Variants in CASTOR2 observed in about 807,000 individuals in gnomAD.
CASTOR2 encodes the protein cytosolic arginine sensor for mTORC1 subunit 2, also known as GATS protein like 2.
A neutral mutation model predicts 31.2 loss-of-function variants in CASTOR2; 8 were observed. The observed-to-expected ratio is 0.26, with a 90% CI of 0.15 to 0.46. The LOEUF (loss-of-function observed/expected upper bound fraction) is 0.46, where lower values mean the gene tolerates loss of function less well. CASTOR2 is among the 20% of genes least tolerant of loss of function. CASTOR2 has a pLI of 0.99. For synonymous variants in CASTOR2, 162 were observed against 158.7 expected, an observed-to-expected ratio of 1.02 and a Z score of -0.16; for missense variants, 216 against 382.1, an observed-to-expected ratio of 0.57 and a Z score of 3.62.
chr7:75,018,988 C>T lies in CASTOR2; in HGVS notation c.528C>T (p.Ile176=). The change falls in exon 5 of 9, where the codon ATC becomes ATT. Residue 176 remains isoleucine (I), a synonymous_variant. Coordinates refer to ENST00000616305, the MANE Select transcript of CASTOR2 (RefSeq NM_001145064.3). ...CTCTTACAGTCCAGAGGCCAGTCAT[C>T]CACCCACTGTCCAGCCCGAGCAACA... is the stretch of plus-strand genomic sequence containing the variant. ...VKPKLVQRPV[I]HPLSSPSNRF... The T allele has an allele frequency of 6.4e-7, 1 of 1,552,024 alleles. No homozygotes were observed. Among genetic ancestry groups the T allele is most frequent in the South Asian group, 1.2e-5 (1 of 84,060 alleles).
Position 75,024,389 on chromosome 7 carries a change from G to T in CASTOR2, c.830-51G>T, listed in dbSNP as rs993874753. On this transcript the variant is annotated intron_variant, in intron 7 of 8. Transcript: ENST00000616305. ...GGGTAGAGGCTGAAGAGCCACACAG[G>T]CAAGGGTAGCCAGGTTACACAGAGG... is the stretch of plus-strand genomic sequence containing the variant. 18 of 1,540,892 alleles carry T rather than the reference G, an allele frequency of 1.2e-5. No individual in the cohort carries two copies. In the African/African-American group the frequency reaches 2.3e-4, roughly 20 times the overall value.
intron 5 of CASTOR2, 116 bp downstream of exon 5, chr7:75,019,211 A>G (rs1268065032): frequency 2.9e-5 from 44 of 1,502,396 alleles, no homozygotes; most frequent in African/African-American, 2.9e-4. Context: ...GAGGGAAGAG[A>G]CACAGACCTT....
At chr7:75,006,501 G>A (rs1804608559) in intron 1 of CASTOR2, among the ~76,000 whole-genome samples, 1 of 152,154 alleles carries the variant, frequency 6.6e-6, no homozygotes, top group Non-Finnish European at 1.5e-5. Context: ...GGATACACCA[G>A]CCACCCCCAT....
chr7:75,004,530 G>A (rs1458143851), intron 1 of CASTOR2, among the ~76,000 whole-genome samples: 1 of 145,632 alleles, frequency 6.9e-6, no homozygotes, highest in Non-Finnish European at 1.5e-5. Context: ...TCAGCTCACA[G>A]CAACCTCCCA....
Position 75,024,637 on chromosome 7 carries a change from C to A in CASTOR2, c.928C>A (p.Pro310Thr). 6.4e-7 allele frequency: 1 copy of A among 1,551,514 alleles called. No individual in the cohort carries two copies. Among genetic ancestry groups the A allele is most frequent in the Non-Finnish European group, 8.7e-7 (1 of 1,146,820 alleles). Residue 310 changes from proline (P) to threonine (T), a missense_variant, in exon 9 of 9, where the codon CCC becomes ACC. Physicochemically the swap from Pro to Thr is conservative, Grantham distance 38. Transcript: ENST00000616305. The stretch of plus-strand genomic sequence containing the variant: ...TGCCTCCTCTACCCCTGCACAGGTC[C>A]CCGAAGAGAACATCAATGGTGTCAT... ...STFKFDHALV[P>T]EENINGVISA...
Position 75,028,417 on chromosome 7 carries a change from G to A in CASTOR2, c.*3718G>A, listed in dbSNP as rs965302318. ...ATTACAGGCATGAGCCACCGTGCCC[G>A]GCCTCATGGAATTTCTAGGGGTGAG... On this transcript the variant is annotated 3_prime_UTR_variant, in exon 9 of 9. Transcript: ENST00000616305. 0.02 allele frequency among the ~76,000 whole-genome samples: 3,066 copies of A among 152,116 alleles called. 67 individuals are homozygous for A. Among genetic ancestry groups the A allele is most frequent in the African/African-American group, 0.045 (1,852 of 41,504 alleles).
At chr7:74,980,410 G>T (rs1346557386) in intron 1 of CASTOR2, among the ~76,000 whole-genome samples, 1 of 85,540 alleles carries the variant, frequency 1.2e-5, no homozygotes, top group African/African-American at 6.4e-5. Flanking sequence ...AGGAGTTTGA[G>T]ATCAGCCTGG....
intron 2 of CASTOR2, among the ~76,000 whole-genome samples, chr7:75,011,517 G>C (rs1164320828): frequency 2.0e-5 from 3 of 151,462 alleles, no homozygotes; most frequent in African/African-American, 7.3e-5. Context: ...GGTGGATCAC[G>C]AGGTCAGGAG....
At position 75,030,677 on chromosome 7, in the gene CASTOR2, C is replaced by T. The variant is rs1805278813; in HGVS notation, c.*5978C>T. On this transcript the variant is annotated 3_prime_UTR_variant, in exon 9 of 9. Transcript: ENST00000616305. The stretch of plus-strand genomic sequence containing the variant: ...GTCTTCACAATATGGCGCTCGGCTT[C>T]CCCCCAGAGCAAGAGATTCAAGGGC... Among the ~76,000 whole-genome samples the T allele has an allele frequency of 6.6e-6, 1 of 152,120 alleles. No individual in the cohort carries two copies. The highest frequency in any genetic ancestry group is 1.5e-5 in the Non-Finnish European group (1 of 68,010).
chr7:74,981,426 C>A (rs1803943348), intron 1 of CASTOR2, among the ~76,000 whole-genome samples: 1 of 144,570 alleles, frequency 6.9e-6, no homozygotes, highest in East Asian at 2.1e-4. Flanking sequence ...GGTGATCCAC[C>A]CGCCTCGGCC....
At chr7:74,990,637 T>A (rs1321799037) in intron 1 of CASTOR2, among the ~76,000 whole-genome samples, 3 of 152,074 alleles carry the variant, frequency 2.0e-5, no homozygotes, top group African/African-American at 7.2e-5. Flanking sequence ...GGTGGATCGC[T>A]TGAGGTCAGG....
chr7:75,008,507 G>T (rs1804654315), intron 2 of CASTOR2, among the ~76,000 whole-genome samples: 1 of 152,084 alleles, frequency 6.6e-6, no homozygotes, highest in African/African-American at 2.4e-5. Flanking sequence ...ACCAGCCTGG[G>T]CATAGTGAGA....
At chr7:74,975,670 C>A (rs1166353632) in intron 1 of CASTOR2, among the ~76,000 whole-genome samples, 1 of 111,168 alleles carries the variant, frequency 9.0e-6, no homozygotes, top group African/African-American at 3.5e-5. Context: ...CCAGCCTGGG[C>A]GACAGAGCCA....
In CASTOR2 at chr7:75,026,488, C is replaced by T. The variant is rs1044889350; in HGVS notation, c.*1789C>T. Reference sequence around the variant, plus strand: ...TACAGGCGTGAGCCACCACACCCAGCCGAGTTGTGCTGTTTCTGTGGTCAG... The same window carrying T: ...TACAGGCGTGAGCCACCACACCCAGTCGAGTTGTGCTGTTTCTGTGGTCAG... On this transcript the variant is annotated 3_prime_UTR_variant, in exon 9 of 9. Transcript: ENST00000616305. Among the ~76,000 whole-genome samples, 10 of 152,154 alleles carry T rather than the reference C, an allele frequency of 6.6e-5. No homozygotes were observed. The highest frequency in any genetic ancestry group is 2.0e-4 in the Admixed American group (3 of 15,262).
At chr7:74,990,989 C>G (rs1160897731) in intron 1 of CASTOR2, among the ~76,000 whole-genome samples, 1 of 149,532 alleles carries the variant, frequency 6.7e-6, no homozygotes, top group Non-Finnish European at 1.5e-5. Context: ...AGGAGGATCA[C>G]GTAAGCCCAG....
chr7:75,009,677 CA>C (rs1804693968), intron 2 of CASTOR2, among the ~76,000 whole-genome samples: 1 of 151,874 alleles, frequency 6.6e-6, no homozygotes, highest in Non-Finnish European at 1.5e-5. Flanking sequence ...GAGAGAACCC[CA>C]TGTGTGTACA....
intron 1 of CASTOR2, among the ~76,000 whole-genome samples, chr7:75,000,150 C>T (rs2131939083): frequency 6.6e-6 from 1 of 152,234 alleles, no homozygotes; most frequent in South Asian, 2.1e-4. Flanking sequence ...CGCTTGAGCC[C>T]AGGAGTTGGA....
At chr7:75,001,283 G>T (rs1804489171) in intron 1 of CASTOR2, among the ~76,000 whole-genome samples, 1 of 152,066 alleles carries the variant, frequency 6.6e-6, no homozygotes, top group South Asian at 2.1e-4. Context: ...TTACCATGTT[G>T]CCCAGGCTGG....
At chr7:74,984,919 G>A (rs1426029822) in intron 1 of CASTOR2, among the ~76,000 whole-genome samples, 21 of 152,160 alleles carry the variant, frequency 1.4e-4, no homozygotes, top group Non-Finnish European at 2.9e-4. Flanking sequence ...ATCACCTGAG[G>A]TCAGGAGTTC....
Sources: gnomAD v4.1 joint callset for allele counts (sites outside exome capture counted in the v4.1 genomes callset) on GRCh38, gnomAD v4.1.1 for gene constraint, MANE v1.5 for transcripts, NCBI Gene and HGNC (gene_info 2026-07-23, HGNC 2026-07-21) for gene names.